The following PARD3B variants were observed in gnomAD, a reference collection of about 807,000 sequenced individuals.
PARD3B encodes the protein partitioning defective 3 homolog B.
A neutral mutation model predicts 130.2 loss-of-function variants in PARD3B; 103 were observed. That is an observed-to-expected ratio of 0.79 (90% CI 0.67 to 0.93). The LOEUF (loss-of-function observed/expected upper bound fraction) is 0.93, where lower values mean the gene tolerates loss of function less well. PARD3B is among the 40% of genes least tolerant of loss of function. The pLI is 0.00. For synonymous variants in PARD3B, 583 were observed against 553.2 expected, an observed-to-expected ratio of 1.05 and a Z score of -0.76; for missense variants, 1,609 against 1,499.2, an observed-to-expected ratio of 1.07 and a Z score of -1.21.
chr2:205,607,823 A>AACACCCAC (rs1559265422), intron 22 of PARD3B, among the ~76,000 whole-genome samples: 1 of 85,858 alleles, frequency 1.2e-5, no homozygotes, highest in African/African-American at 5.6e-5. Flanking sequence ...CCTCTCCCCC[A>AACACCCAC]ACACCCATAC....
chr2:204,576,942 T>C (rs2032292529), intron 1 of PARD3B, among the ~76,000 whole-genome samples: 1 of 152,196 alleles, frequency 6.6e-6, no homozygotes, highest in South Asian at 2.1e-4. Context: ...TAATGGATAT[T>C]TTTCTCTTGC....
intron 1 of PARD3B, among the ~76,000 whole-genome samples, chr2:204,547,939 C>T (rs2030117199): frequency 6.6e-6 from 1 of 152,008 alleles, no homozygotes; most frequent in South Asian, 2.1e-4. Flanking sequence ...CTATTATTAC[C>T]AGACTTATAT....
intron 10 of PARD3B, among the ~76,000 whole-genome samples, chr2:205,145,837 A>AG (rs560852960): frequency 2.2e-4 from 33 of 151,962 alleles, no homozygotes; most frequent in African/African-American, 7.5e-4. Flanking sequence ...AAAAAAAAAA[A>AG]AAACACCTTT....
intron 18 of PARD3B, among the ~76,000 whole-genome samples, chr2:205,357,717 C>T (rs1407535177): frequency 1.3e-5 from 2 of 152,006 alleles, no homozygotes; most frequent in Non-Finnish European, 2.9e-5. Context: ...TGAAGTCAAA[C>T]AGAGAAGGGA....
intron 1 of PARD3B, among the ~76,000 whole-genome samples, chr2:204,630,358 A>C (rs2034634941): frequency 1.3e-5 from 2 of 152,282 alleles, no homozygotes; most frequent in South Asian, 4.1e-4. Flanking sequence ...GGGAACTTTG[A>C]AAAATTTTGG....
intron 1 of PARD3B, among the ~76,000 whole-genome samples, chr2:204,546,728 C>T (rs914168882): frequency 6.6e-6 from 1 of 152,158 alleles, no homozygotes; most frequent in African/African-American, 2.4e-5. Context: ...AGTTTAATGT[C>T]ACAGATTCTA....
chr2:205,020,992 A>C (rs192406083), intron 3 of PARD3B, among the ~76,000 whole-genome samples: 2 of 152,304 alleles, frequency 1.3e-5, no homozygotes, highest in African/African-American at 4.8e-5. Flanking sequence ...AAATTTGACC[A>C]GGAAGGGACT....
intron 19 of PARD3B, among the ~76,000 whole-genome samples, chr2:205,418,067 G>T (rs984336522): frequency 1.3e-5 from 2 of 151,988 alleles, no homozygotes; most frequent in African/African-American, 4.8e-5. Context: ...GGTCACTTCA[G>T]TGGAATAGTT....
chr2:204,601,649 A>G (rs79716947), intron 1 of PARD3B, among the ~76,000 whole-genome samples: 3,631 of 152,110 alleles, frequency 0.024, 69 homozygotes, highest in Non-Finnish European at 0.036. Flanking sequence ...GAGCTTAAGC[A>G]GTTCGTGAAC....
intron 3 of PARD3B, among the ~76,000 whole-genome samples, chr2:204,999,010 A>C (rs1694600673): frequency 6.6e-6 from 1 of 152,134 alleles, no homozygotes; most frequent in Non-Finnish European, 1.5e-5. Flanking sequence ...TTTAAAATTT[A>C]AATTAAACTG....
rs566409638 is a variant in PARD3B at position 204,994,674 on chromosome 2, G to A, written c.394+29351G>A. ...CTCGTTGATCTGTCTAATGTTGACA[G>A]TGGGGTGTTAAAGTCTCCCATTATT... On this transcript the variant is annotated intron_variant, in intron 3 of 22. Coordinates refer to ENST00000406610, the MANE Select transcript of PARD3B (RefSeq NM_001302769.2). Among the ~76,000 whole-genome samples the A allele has an allele frequency of 4.6e-5, 7 of 151,898 alleles. No homozygotes were observed. In the South Asian group the frequency reaches 1.3e-3, roughly 27 times the overall value.
intron 2 of PARD3B, among the ~76,000 whole-genome samples, chr2:204,931,694 A>C (rs1324426460): frequency 6.6e-6 from 1 of 151,114 alleles, no homozygotes; most frequent in Non-Finnish European, 1.5e-5. Flanking sequence ...GATCTGATTC[A>C]GCCTTCAGAC....
chr2:204,708,434 CAT>C lies in PARD3B; in HGVS notation c.222+22154_222+22155del, dbSNP rs1301079399. The stretch of plus-strand genomic sequence containing the variant: ...TGCTTTTGACATTACAAATTATAAA[CAT>C]AAACATTTTGGTTATTAGATTTCAG... On this transcript the variant is annotated intron_variant, in intron 2 of 22. Transcript: ENST00000406610. Among the ~76,000 whole-genome samples the C allele has an allele frequency of 2.6e-5, 4 of 152,228 alleles. No homozygotes were observed. The East Asian group carries it at 7.7e-4, about 29-fold the overall frequency.
intron 2 of PARD3B, among the ~76,000 whole-genome samples, chr2:204,756,218 A>G (rs1559119603): frequency 6.6e-6 from 1 of 152,122 alleles, no homozygotes; most frequent in Non-Finnish European, 1.5e-5. Context: ...TATGGAATAA[A>G]AACATCTTTT....
chr2:205,358,379 G>A (rs572050056), intron 18 of PARD3B, among the ~76,000 whole-genome samples: 11 of 152,232 alleles, frequency 7.2e-5, no homozygotes, highest in East Asian at 1.9e-4. Context: ...CTCATAAAGC[G>A]GCTAGATGCT....
At chr2:205,217,491 G>A (rs2037974011) in intron 15 of PARD3B, among the ~76,000 whole-genome samples, 1 of 152,074 alleles carries the variant, frequency 6.6e-6, no homozygotes, top group Non-Finnish European at 1.5e-5. Context: ...AGTGAGAGTT[G>A]CTTGAGAGAA....
chr2:204,576,435 A>G (rs1016369836), intron 1 of PARD3B, among the ~76,000 whole-genome samples: 2 of 152,228 alleles, frequency 1.3e-5, no homozygotes, highest in African/African-American at 4.8e-5. Flanking sequence ...GAATACCCAT[A>G]CATTGTTGCG....
intron 3 of PARD3B, among the ~76,000 whole-genome samples, chr2:205,030,279 A>G (rs1040482320): frequency 2.0e-5 from 3 of 152,252 alleles, no homozygotes; most frequent in Admixed American, 6.5e-5. Flanking sequence ...TGTTTGTTGA[A>G]TATTTGTATA....
chr2:204,653,421 G>A lies in PARD3B; in HGVS notation c.121-32760G>A, dbSNP rs913578472. On this transcript the variant is annotated intron_variant, in intron 1 of 22. Transcript: ENST00000406610. ...TTTGATAAACACCTGTCAGAGCACTGTGTTGCTATATGTGGCATCCAGACT... is the reference window on the plus strand; with the variant it reads ...TTTGATAAACACCTGTCAGAGCACTATGTTGCTATATGTGGCATCCAGACT... Among the ~76,000 whole-genome samples, 5 of 151,026 alleles carry A rather than the reference G, an allele frequency of 3.3e-5. 1 individual carries two copies. The highest frequency in any genetic ancestry group is 1.2e-4 in the African/African-American group (5 of 40,384).
Sources: gnomAD v4.1 joint callset for allele counts (sites outside exome capture counted in the v4.1 genomes callset) on GRCh38, gnomAD v4.1.1 for gene constraint, MANE v1.5 for transcripts, NCBI Gene and HGNC (gene_info 2026-07-23, HGNC 2026-07-21) for gene names.